The following RFX4 variants were observed in gnomAD, a reference collection of about 807,000 sequenced individuals.
RFX4 encodes the protein regulatory factor X4.
RFX4 carries 10 observed loss-of-function variants against 95.0 expected under a neutral mutation model. The observed-to-expected ratio is 0.11, with a 90% CI of 0.06 to 0.18. The LOEUF is 0.18. Among genes scored for constraint, RFX4 ranks in the 10% least tolerant of loss-of-function variants. The pLI, the probability that RFX4 is intolerant of heterozygous loss-of-function variation, is 1.00. For synonymous variants in RFX4, 321 were observed against 340.7 expected, an observed-to-expected ratio of 0.94 and a Z score of 0.64; for missense variants, 640 against 922.0, an observed-to-expected ratio of 0.69 and a Z score of 3.96.
At chr12:106,711,422 A>C in intron 9 of RFX4, 31 bp from the exon 10 acceptor site, 1 of 1,599,680 alleles carries the variant, frequency 6.3e-7, no homozygotes. Context: ...AAGCATGCAA[A>C]TATTTCAAAC....
intron 13 of RFX4, among the ~76,000 whole-genome samples, chr12:106,731,339 G>A (rs1218249650): frequency 6.6e-6 from 1 of 152,190 alleles, no homozygotes; most frequent in African/African-American, 2.4e-5. Flanking sequence ...TCTTGCATAA[G>A]TGCTTGGCCT....
At chr12:106,690,482 G>T (rs984671052) in intron 7 of RFX4, among the ~76,000 whole-genome samples, 20 of 152,130 alleles carry the variant, frequency 1.3e-4, no homozygotes, top group Non-Finnish European at 2.6e-4. Flanking sequence ...AATACTAGCT[G>T]CTGTAACAAA....
rs1381641559 is a variant in RFX4, at chr12:106,648,551, A to C, written c.192-5677A>C. ...CTGTGACAACTTCAGTGATAAGTTA[A>C]AATAGTTAATATTTTTAAAAATCCT... On this transcript the variant is annotated intron_variant, in intron 3 of 17. Coordinates refer to ENST00000392842, the MANE Select transcript of RFX4 (RefSeq NM_213594.3). Among the ~76,000 whole-genome samples, 5 of 151,474 alleles carry C rather than the reference A, an allele frequency of 3.3e-5. No homozygotes were observed. In the East Asian group the frequency reaches 9.7e-4, roughly 29 times the overall value.
chr12:106,597,664 C>A (rs1223714233), intron 1 of RFX4, among the ~76,000 whole-genome samples: 1 of 152,136 alleles, frequency 6.6e-6, no homozygotes, highest in African/African-American at 2.4e-5. Context: ...CAGTTTGGCT[C>A]GCCAGTCCAT....
chr12:106,740,251 G>A (rs1385891862), intron 15 of RFX4, among the ~76,000 whole-genome samples: 1 of 152,178 alleles, frequency 6.6e-6, no homozygotes, highest in Non-Finnish European at 1.5e-5. Context: ...ATCAGTTGAG[G>A]ATGTAACAAA....
intron 15 of RFX4, among the ~76,000 whole-genome samples, chr12:106,745,121 T>G (rs186914937): frequency 3.2e-4 from 48 of 152,300 alleles, no homozygotes; most frequent in African/African-American, 1.1e-3. Context: ...CATTCTGAAT[T>G]GCATTTTTTG....
chr12:106,612,833 G>A (rs939399346), intron 2 of RFX4, among the ~76,000 whole-genome samples: 17 of 148,460 alleles, frequency 1.1e-4, no homozygotes, highest in Non-Finnish European at 1.6e-4. Context: ...GCGAGACTAC[G>A]TCTCAAAAAA....
chr12:106,740,583 A>G (rs1410123330), intron 15 of RFX4, among the ~76,000 whole-genome samples: 1 of 152,130 alleles, frequency 6.6e-6, no homozygotes, highest in East Asian at 1.9e-4. Context: ...TTGTTCATTC[A>G]TTCAACAAAT....
intron 8 of RFX4, among the ~76,000 whole-genome samples, 157 bp from the exon 9 acceptor site, chr12:106,709,173 G>A (rs1466426691): frequency 1.3e-5 from 2 of 152,248 alleles, no homozygotes; most frequent in East Asian, 1.9e-4. Flanking sequence ...CTCTCCACAG[G>A]GCTTGGACTG....
chr12:106,761,535 C>T lies in RFX4; in HGVS notation c.*66C>T. 1 of 1,168,086 alleles carries T rather than the reference C, an allele frequency of 8.6e-7. No homozygotes were observed. The highest frequency in any genetic ancestry group is 3.8e-5 in the Admixed American group (1 of 26,162). The allele number at this position is 1,168,086 out of a possible 1,614,324, so 72.4% of individuals were successfully genotyped here. ...ATTAATAATAATAATAAACCCAACA[C>T]CCATCCCCCAGAAGACTTTATCTCT... On this transcript the variant is annotated 3_prime_UTR_variant, in exon 18 of 18. Coordinates refer to ENST00000392842, the MANE Select transcript of RFX4 (RefSeq NM_213594.3).
intron 8 of RFX4, among the ~76,000 whole-genome samples, chr12:106,708,210 A>G (rs1420348665): frequency 6.6e-6 from 1 of 152,204 alleles, no homozygotes; most frequent in Non-Finnish European, 1.5e-5. Context: ...TCGGTAATGT[A>G]GATTTCCTGA....
chr12:106,667,326 C>T lies in RFX4; in HGVS notation c.315+12975C>T, dbSNP rs528425829. Reference sequence around the variant, plus strand: ...CAGTTAGGCTCTGATAATACCCCAGCAGATTAGGCTCTGGTTAACTAGCTT... The same window carrying T: ...CAGTTAGGCTCTGATAATACCCCAGTAGATTAGGCTCTGGTTAACTAGCTT... On this transcript the variant is annotated intron_variant, in intron 4 of 17. Transcript: ENST00000392842. 7.9e-5 allele frequency among the ~76,000 whole-genome samples: 12 copies of T among 152,248 alleles called. No individual in the cohort carries two copies. The South Asian group carries it at 1.7e-3, about 21-fold the overall frequency.
chr12:106,656,313 A>G (rs1400071382), intron 4 of RFX4, among the ~76,000 whole-genome samples: 2 of 152,238 alleles, frequency 1.3e-5, no homozygotes, highest in Non-Finnish European at 2.9e-5. Flanking sequence ...CAAGAGCCAC[A>G]TGTGACTAGA....
rs1392982705 is a variant in RFX4, at chr12:106,761,604, A to C, written c.*135A>C. On this transcript the variant is annotated 3_prime_UTR_variant, in exon 18 of 18. Transcript: ENST00000392842. ...GCTATTCCTAAGTGCCCATTTTCCT[A>C]ATGAACATGAGGATGGGATCAATGT... 6 of 538,600 alleles carry C rather than the reference A, an allele frequency of 1.1e-5. No homozygotes were observed. Among genetic ancestry groups the C allele is most frequent in the African/African-American group, 2.0e-5 (1 of 50,314 alleles). The allele number at this position is 538,600 out of a possible 1,614,324, so 33.4% of individuals were successfully genotyped here.
rs1592866694 is a variant in RFX4, at chr12:106,626,948, A to T, written c.131-12384A>T. Among the ~76,000 whole-genome samples the T allele has an allele frequency of 2.0e-5, 3 of 152,244 alleles. No homozygotes were observed. In the South Asian group the frequency reaches 6.2e-4, roughly 32 times the overall value. ...CACGAGGTATCAGACACACACATGC[A>T]TGTGTGCATGTTTGTTGTGGAATGT... On this transcript the variant is annotated intron_variant, in intron 2 of 17. Coordinates refer to ENST00000392842, the MANE Select transcript of RFX4 (RefSeq NM_213594.3).
At chr12:106,642,531 G>A (rs61943278) in intron 3 of RFX4, among the ~76,000 whole-genome samples, 15,605 of 152,018 alleles carry the variant, frequency 0.1, 816 homozygotes, top group South Asian at 0.16. Flanking sequence ...CAGGAGTATC[G>A]CTTGAGCCTT....
intron 1 of RFX4, chr12:106,601,338 G>C (rs375854420): frequency 6.3e-7 from 1 of 1,582,548 alleles, no homozygotes; most frequent in African/African-American, 1.3e-5. Flanking sequence ...CGACGGCGCC[G>C]TTCCACTGGT....
intron 17 of RFX4, among the ~76,000 whole-genome samples, chr12:106,759,878 CT>C (rs1228055266): frequency 6.6e-6 from 1 of 152,182 alleles, no homozygotes; most frequent in Non-Finnish European, 1.5e-5. Flanking sequence ...TGGGATCCCT[CT>C]TTCTTGACCT....
intron 2 of RFX4, among the ~76,000 whole-genome samples, chr12:106,615,959 G>A (rs2040064115): frequency 1.3e-5 from 2 of 152,088 alleles, no homozygotes; most frequent in Non-Finnish European, 2.9e-5. Context: ...TATTTCTTTT[G>A]TGTGTCTTAT....
Sources: gnomAD v4.1 joint callset for allele counts (sites outside exome capture counted in the v4.1 genomes callset) on GRCh38, gnomAD v4.1.1 for gene constraint, MANE v1.5 for transcripts, NCBI Gene and HGNC (gene_info 2026-07-23, HGNC 2026-07-21) for gene names.